TMCO4: variants seen among roughly 807,000 people sequenced by gnomAD.
The protein encoded by TMCO4 is transmembrane and coiled-coil domains 4.
In TMCO4, 58 loss-of-function variants were observed where a neutral mutation model predicts 64.7. The observed-to-expected ratio is 0.90, with a 90% CI of 0.73 to 1.12. The LOEUF is 1.12. Ranked by LOEUF, TMCO4 falls within the 50% of genes most tolerant of loss-of-function variation. TMCO4 has a pLI of 0.00. For missense variants in TMCO4, 780 were observed against 825.9 expected, an observed-to-expected ratio of 0.94 and a Z score of 0.68; for synonymous variants, 325 against 346.1, an observed-to-expected ratio of 0.94 and a Z score of 0.68.
chr1:19,797,847 G>A (rs1294815916), intron 2 of TMCO4, among the ~76,000 whole-genome samples: 1 of 129,242 alleles, frequency 7.7e-6, no homozygotes, highest in Non-Finnish European at 1.6e-5. Flanking sequence ...CTGGGTGACA[G>A]AGTGAGACTC....
intron 13 of TMCO4, among the ~76,000 whole-genome samples, chr1:19,728,103 A>G (rs890336285): frequency 6.6e-6 from 1 of 152,222 alleles, no homozygotes; most frequent in Non-Finnish European, 1.5e-5. Flanking sequence ...TAACTATTGT[A>G]CTAGGCTTAG....
chr1:19,775,394 G>A (rs903123281), intron 4 of TMCO4, among the ~76,000 whole-genome samples: 2 of 152,176 alleles, frequency 1.3e-5, no homozygotes, highest in Admixed American at 6.5e-5. Context: ...CTGGTTAAAT[G>A]TCTTCTCAAA....
At chr1:19,705,985 C>T (rs944276093) in intron 13 of TMCO4, among the ~76,000 whole-genome samples, 10 of 152,058 alleles carry the variant, frequency 6.6e-5, no homozygotes, top group African/African-American at 9.7e-5. Context: ...ACTGCAGCCT[C>T]GACCTCACAG....
At chr1:19,776,657 C>T (rs2043216510) in intron 4 of TMCO4, among the ~76,000 whole-genome samples, 2 of 152,164 alleles carry the variant, frequency 1.3e-5, no homozygotes, top group East Asian at 1.9e-4. Flanking sequence ...GTGTTGCCAA[C>T]AGCTTCTCTG....
chr1:19,761,369 G>A (rs1348482534), intron 6 of TMCO4, among the ~76,000 whole-genome samples: 3 of 152,224 alleles, frequency 2.0e-5, no homozygotes, highest in African/African-American at 4.8e-5. Flanking sequence ...ATCAATGGGT[G>A]CTGCAACATC....
At chr1:19,686,019 G>A (rs1230126489) in intron 15 of TMCO4, among the ~76,000 whole-genome samples, 3 of 152,144 alleles carry the variant, frequency 2.0e-5, no homozygotes, top group Non-Finnish European at 2.9e-5. Flanking sequence ...GAGCCACTGC[G>A]CCCGGCCATC....
At chr1:19,780,109 G>A (rs1348400694) in intron 4 of TMCO4, among the ~76,000 whole-genome samples, 2 of 152,140 alleles carry the variant, frequency 1.3e-5, no homozygotes, top group Non-Finnish European at 2.9e-5. Flanking sequence ...ATCATCAGGC[G>A]TTAGTTAGAT....
Position 19,746,587 on chromosome 1 carries a change from C to G in TMCO4, c.626G>C (p.Gly209Ala), listed in dbSNP as rs564158963. ...GGGTVIGVTG[G>A]LAAPLVAAGA... ...AGCGGCAACAAGGGGTGCAGCTAGA[C>G]CTCCAGTCACACCTGTGGGAAAAGC... The change falls in exon 9 of 16, where the codon GGT becomes GCT. Residue 209 changes from glycine (G) to alanine (A), a missense_variant. Transcript: ENST00000294543. 1.8e-5 allele frequency: 29 copies of G among 1,609,554 alleles called. No individual in the cohort carries two copies. The Admixed American group carries it at 3.5e-4, about 20-fold the overall frequency.
intron 13 of TMCO4, among the ~76,000 whole-genome samples, chr1:19,714,218 T>C (rs1206668187): frequency 1.3e-5 from 2 of 152,232 alleles, no homozygotes; most frequent in Admixed American, 1.3e-4. Flanking sequence ...ATTACAGGTG[T>C]GAGCCACCAC....
At chr1:19,693,652 T>C (rs975646982) in intron 15 of TMCO4, among the ~76,000 whole-genome samples, 1 of 152,196 alleles carries the variant, frequency 6.6e-6, no homozygotes, top group African/African-American at 2.4e-5. Flanking sequence ...TGTGGACTCA[T>C]GGCTCTGCCC....
intron 13 of TMCO4, among the ~76,000 whole-genome samples, chr1:19,722,946 G>C (rs530714199): frequency 1.1e-4 from 17 of 152,194 alleles, no homozygotes; most frequent in African/African-American, 3.9e-4. Context: ...ATGGGAAGAG[G>C]GGGTGCTGGC....
At chr1:19,763,078 T>C (rs72658515) in intron 6 of TMCO4, among the ~76,000 whole-genome samples, 17,789 of 152,090 alleles carry the variant, frequency 0.12, 1,139 homozygotes, top group Non-Finnish European at 0.13. Flanking sequence ...CTTTTTCTTT[T>C]TTTCTTTTTT....
At chr1:19,798,359 T>G (rs1228281177) in intron 1 of TMCO4, 144 bp from the exon 2 acceptor site, 3 of 152,382 alleles carry the variant, frequency 2.0e-5, no homozygotes, top group African/African-American at 7.2e-5. Flanking sequence ...GGTTTGAGCC[T>G]TATGAGGAAC....
intron 4 of TMCO4, 87 bp downstream of exon 4, chr1:19,780,493 C>T: frequency 2.0e-6 from 3 of 1,469,828 alleles, no homozygotes; most frequent in Non-Finnish European, 2.7e-6. Context: ...TCTGCATTGC[C>T]TCATCGTGCC....
At chr1:19,740,087 C>T in intron 11 of TMCO4, 127 bp from the exon 12 acceptor site, 1 of 1,114,934 alleles carries the variant, frequency 9.0e-7, no homozygotes, top group Non-Finnish European at 1.2e-6. Context: ...GTTTGCCAAT[C>T]AAACTGCTAA....
At chr1:19,781,632 C>T (rs1417373696) in intron 3 of TMCO4, among the ~76,000 whole-genome samples, 1 of 149,702 alleles carries the variant, frequency 6.7e-6, no homozygotes, top group Non-Finnish European at 1.5e-5. Context: ...GAAGAGCAAA[C>T]AGAACTTTCT....
chr1:19,735,400 T>G (rs948865320), intron 13 of TMCO4, among the ~76,000 whole-genome samples: 1 of 152,160 alleles, frequency 6.6e-6, no homozygotes, highest in Non-Finnish European at 1.5e-5. Flanking sequence ...AATCCAGGTC[T>G]GCCTAATATC....
chr1:19,720,032 A>T (rs1220162644), intron 13 of TMCO4, among the ~76,000 whole-genome samples: 9 of 131,386 alleles, frequency 6.9e-5, no homozygotes, highest in South Asian at 2.6e-4. Context: ...TTTTGTAGAG[A>T]TGGCGTCTTG....
Position 19,729,594 on chromosome 1 carries a change from C to G in TMCO4, c.1264+7778G>C, listed in dbSNP as rs183317539. Among the ~76,000 whole-genome samples the G allele has an allele frequency of 6.4e-3, 965 of 151,724 alleles. 14 individuals are homozygous for G. Among genetic ancestry groups the G allele is most frequent in the African/African-American group, 0.023 (933 of 41,438 alleles). On this transcript the variant is annotated intron_variant, in intron 13 of 15. Transcript: ENST00000294543. The stretch of plus-strand genomic sequence containing the variant: ...CAGCCTGGCCAACATGGTGAAACCC[C>G]GTCTCTACCAAAAATACAAAAATTA...
Sources: allele counts gnomAD v4.1 joint callset (sites outside exome capture counted in the v4.1 genomes callset), GRCh38; gene constraint gnomAD v4.1.1; transcripts MANE v1.5; gene names NCBI Gene and HGNC (gene_info 2026-07-23, HGNC 2026-07-21).